Variants in MFSD8 observed in about 807,000 individuals in gnomAD.
MFSD8 encodes the protein major facilitator superfamily domain-containing protein 8.
MFSD8 carries 55 observed loss-of-function variants against 66.4 expected under a neutral mutation model. The observed-to-expected ratio is 0.83, with a 90% CI of 0.67 to 1.04. The LOEUF is 1.04. Ranked by LOEUF, MFSD8 falls within the 50% of genes least tolerant of loss-of-function variation. MFSD8 has a pLI of 0.00. For missense variants in MFSD8, 550 were observed against 627.6 expected (o/e 0.88, Z 1.32); for synonymous variants, 202 against 212.8 (o/e 0.95, Z 0.44).
chr4:127,953,852 C>A (rs1376120448), intron 2 of MFSD8, among the ~76,000 whole-genome samples: 2 of 152,126 alleles, frequency 1.3e-5, no homozygotes, highest in African/African-American at 4.8e-5. Flanking sequence ...TTGAAAATAT[C>A]CTTTATCATT....
chr4:127,937,625 G>A (rs1739294040), intron 7 of MFSD8, among the ~76,000 whole-genome samples: 1 of 152,114 alleles, frequency 6.6e-6, no homozygotes, highest in South Asian at 2.1e-4. Context: ...TACTGGCATT[G>A]TATTTTTTTC....
At chr4:127,964,523 TG>T in intron 1 of MFSD8, 1 of 168,308 alleles carries the variant, frequency 5.9e-6, no homozygotes, top group Non-Finnish European at 1.3e-5. Flanking sequence ...GCCGGCCTGC[TG>T]CTCCCAGTGC....
upstream of MFSD8, chr4:127,965,258 A>C: frequency 8.1e-7 from 1 of 1,230,410 alleles, no homozygotes; most frequent in East Asian, 2.5e-5. Context: ...GGTCAGACGT[A>C]GGCGGAACGC....
chr4:127,936,196 T>G (rs999145303), intron 7 of MFSD8, among the ~76,000 whole-genome samples: 1 of 151,992 alleles, frequency 6.6e-6, no homozygotes, highest in Non-Finnish European at 1.5e-5. Context: ...TCACTGCAAC[T>G]TCTGCCTCCC....
At chr4:127,932,260 C>G (rs1341513753) in intron 8 of MFSD8, 2 of 152,126 alleles carry the variant, frequency 1.3e-5, no homozygotes, top group Non-Finnish European at 2.9e-5. Flanking sequence ...CCTACAAGTA[C>G]TAACATAAAA....
At chr4:127,963,740 G>A (rs1453910376) in intron 1 of MFSD8, among the ~76,000 whole-genome samples, 1 of 152,196 alleles carries the variant, frequency 6.6e-6, no homozygotes, top group East Asian at 1.9e-4. Context: ...ATCGCAAAGA[G>A]CGAAAAAACA....
At chr4:127,933,315 G>T in intron 7 of MFSD8, 1 of 413,754 alleles carries the variant, frequency 2.4e-6, no homozygotes, top group Non-Finnish European at 4.5e-6. Flanking sequence ...CATGATCACA[G>T]CTCACTGCAG....
At chr4:127,939,674 C>A in intron 6 of MFSD8, 179 bp downstream of exon 6, 3 of 294,482 alleles carry the variant, frequency 1.0e-5, no homozygotes, top group Non-Finnish European at 1.3e-5. Context: ...TCTCATTTAT[C>A]AGGTTGTCTT....
At chr4:127,944,052 A>C in intron 3 of MFSD8, 60 bp from the exon 4 acceptor site, 1 of 1,605,310 alleles carries the variant, frequency 6.2e-7, no homozygotes, top group Non-Finnish European at 8.5e-7. Flanking sequence ...AAAACTAAAT[A>C]CATTTGTCAT....
rs750297992 is a variant in MFSD8, at chr4:127,921,739, A to T, written c.1135T>A (p.Phe379Ile). ...CAAAGACCAATAATAATTTCCCCAA[A>T]TGTGGTATTAGGGATTGAATTATTG... Reference protein sequence around the residue: ...LHNNSIPNTTFGEIIIGLWKS... With the variant: ...LHNNSIPNTTIGEIIIGLWKS... The change falls in exon 11 of 12, where the codon TTT becomes ATT. Residue 379 changes from phenylalanine to isoleucine, a missense_variant. Physicochemically the swap from Phe to Ile is conservative, Grantham distance 21. Transcript: ENST00000641686. 6 of 1,614,126 alleles carry T rather than the reference A, an allele frequency of 3.7e-6. No individual in the cohort carries two copies. The Admixed American group carries it at 1.0e-4, about 27-fold the overall frequency.
intron 9 of MFSD8, among the ~76,000 whole-genome samples, chr4:127,923,552 T>TTTATTTATTTATTA (rs1322039631): frequency 2.3e-5 from 3 of 130,578 alleles, no homozygotes; most frequent in African/African-American, 8.7e-5. Flanking sequence ...TTTATTTTTA[T>TTTATTTATTTATTA]TTATTATTAT....
intron 1 of MFSD8, chr4:127,964,848 C>T: frequency 3.2e-6 from 2 of 620,582 alleles, no homozygotes; most frequent in Admixed American, 5.4e-5. Context: ...TTTCTCCAGC[C>T]CCGTCACTCG....
chr4:127,949,565 A>G (rs1449052918), intron 3 of MFSD8, among the ~76,000 whole-genome samples: 4 of 152,186 alleles, frequency 2.6e-5, no homozygotes, highest in Non-Finnish European at 5.9e-5. Context: ...GCCTGGGACT[A>G]TCTGGGTATG....
intron 9 of MFSD8, among the ~76,000 whole-genome samples, chr4:127,926,696 A>G (rs563995803): frequency 1.3e-5 from 2 of 152,298 alleles, no homozygotes; most frequent in South Asian, 2.1e-4. Context: ...CCATAAGGAC[A>G]AGAATTCTCA....
At chr4:127,946,003 C>T (rs1740969895) in intron 3 of MFSD8, among the ~76,000 whole-genome samples, 1 of 151,708 alleles carries the variant, frequency 6.6e-6, no homozygotes, top group Non-Finnish European at 1.5e-5. Context: ...TCACTGTAAC[C>T]TCAAACTCCT....
chr4:127,946,602 C>T (rs1741069622), intron 3 of MFSD8, among the ~76,000 whole-genome samples: 1 of 151,990 alleles, frequency 6.6e-6, no homozygotes, highest in Non-Finnish European at 1.5e-5. Context: ...TTTAGGAGAG[C>T]ATTTTCAAAA....
chr4:127,944,277 C>T (rs1359737913), intron 3 of MFSD8, among the ~76,000 whole-genome samples: 1 of 152,106 alleles, frequency 6.6e-6, no homozygotes, highest in Admixed American at 6.6e-5. Flanking sequence ...TAATCACACA[C>T]ACTATATACG....
rs78014961 is a variant in MFSD8 at position 127,947,195 on chromosome 4, G to T, written c.198+2609C>A. 5.2e-3 allele frequency among the ~76,000 whole-genome samples: 784 copies of T among 152,044 alleles called. 8 individuals are homozygous for T. The highest frequency in any genetic ancestry group is 0.018 in the African/African-American group (758 of 41,504). On this transcript the variant is annotated intron_variant, in intron 3 of 11. Coordinates refer to ENST00000641686, the MANE Select transcript of MFSD8 (RefSeq NM_001371596.2). ...ACCTGAGGTCAGGCGTTCGAGATCA[G>T]CCTAGCCAACATGCCGAAAACCCAC...
At chr4:127,947,622 G>T (rs1409535014) in intron 3 of MFSD8, among the ~76,000 whole-genome samples, 2 of 151,456 alleles carry the variant, frequency 1.3e-5, no homozygotes, top group East Asian at 3.9e-4. Flanking sequence ...CTTTCCAGAG[G>T]AGGTGACACT....
Sources: gnomAD v4.1 joint callset for allele counts (sites outside exome capture counted in the v4.1 genomes callset) on GRCh38, gnomAD v4.1.1 for gene constraint, MANE v1.5 for transcripts, NCBI Gene and HGNC (gene_info 2026-07-23, HGNC 2026-07-21) for gene names.